The following GK variants were observed in gnomAD, a reference collection of about 807,000 sequenced individuals.
GK encodes ATP:glycerol 3-phosphotransferase.
In GK, 9 loss-of-function variants were observed where a neutral mutation model predicts 56.4. That is an observed-to-expected ratio of 0.16 (90% CI 0.10 to 0.28). GK has a LOEUF of 0.28. Ranked by LOEUF, GK falls within the 10% of genes least tolerant of loss-of-function variation. GK has a pLI of 1.00. For missense variants in GK, 161 were observed against 431.4 expected, an observed-to-expected ratio of 0.37 and a Z score of 5.55; for synonymous variants, 104 against 144.1, an observed-to-expected ratio of 0.72 and a Z score of 1.99.
chrX:30,661,618 C>T, intron 1 of GK, among the ~76,000 whole-genome samples: 2 of 111,264 alleles, frequency 1.8e-5, no homozygotes, highest in South Asian at 7.6e-4. Flanking sequence ...TTAGAAGTTA[C>T]CACTTCTGAG....
At chrX:30,722,083 G>GA (rs1189994654) in intron 18 of GK, among the ~76,000 whole-genome samples, 13 of 108,177 alleles carry the variant, frequency 1.2e-4, no homozygotes, top group East Asian at 2.9e-4. Flanking sequence ...AAAACAAAAG[G>GA]AAAAAAAAAG....
At chrX:30,699,241 AACATGTTATATATACATGT>A (rs1935460315) in intron 9 of GK, among the ~76,000 whole-genome samples, 20 of 99,382 alleles carry the variant, frequency 2.0e-4, no homozygotes, top group Non-Finnish European at 4.0e-5. Flanking sequence ...TGTTATGTAT[AACATGTTATATATACATGT>A]TATGTATAAC....
intron 4 of GK, among the ~76,000 whole-genome samples, chrX:30,690,336 T>C (rs1934865734): frequency 8.9e-6 from 1 of 112,003 alleles, no homozygotes; most frequent in Non-Finnish European, 1.9e-5. Context: ...ATCTGGCAAA[T>C]AAAGCTTAGC....
chrX:30,692,868 T>C (rs1935037777), intron 5 of GK, among the ~76,000 whole-genome samples: 1 of 110,335 alleles, frequency 9.1e-6, no homozygotes, highest in African/African-American at 3.3e-5. Flanking sequence ...ATCCTTTGGT[T>C]TGAGTTTTCT....
chrX:30,699,318 T>TTTTA (rs1555916714), intron 9 of GK, among the ~76,000 whole-genome samples: 39 of 15,136 alleles, frequency 2.6e-3, no homozygotes, highest in South Asian at 0.01. Flanking sequence ...ATATAACATG[T>TTTTA]TATATATATA....
intron 8 of GK, 30 bp downstream of exon 8, chrX:30,696,713 C>A (rs1220006361): frequency 9.6e-7 from 1 of 1,043,032 alleles, no homozygotes; most frequent in Non-Finnish European, 1.3e-6. Flanking sequence ...ACAAAAAACA[C>A]ACCAAAAAAC....
At chrX:30,674,211 GC>G in intron 3 of GK, 2 of 321,069 alleles carry the variant, frequency 6.2e-6, no homozygotes, top group South Asian at 5.4e-5. Flanking sequence ...CTGCTAGGAA[GC>G]ACAGGAATTG....
chrX:30,718,468 A>T (rs1428175614), intron 13 of GK, 70 bp from the exon 14 acceptor site: 1 of 692,710 alleles, frequency 1.4e-6, no homozygotes, highest in African/African-American at 2.1e-5. Context: ...TGTCATACAC[A>T]GAATATGCTC....
intron 13 of GK, among the ~76,000 whole-genome samples, chrX:30,712,756 G>A (rs1293488479): frequency 2.6e-5 from 2 of 77,753 alleles, no homozygotes; most frequent in African/African-American, 1.1e-4. Flanking sequence ...ATGGAGTCTC[G>A]CTCTGTCGCC....
At position 30,720,985 on chromosome X, in the gene GK, T is replaced by C; in HGVS notation, c.1491T>C (p.Ile497=). ...CGATGGAGCGGTTTGAACCTCAGATTAATGCGGAGGGTACATTTAAAGAAT... is the reference window on the plus strand; with the variant it reads ...CGATGGAGCGGTTTGAACCTCAGATCAATGCGGAGGGTACATTTAAAGAAT... ...AVTMERFEPQ[I]NAEESEIRYS... Residue 497 remains isoleucine (I), a synonymous_variant, in exon 18 of 21, where the codon ATT becomes ATC. Transcript: ENST00000427190. The C allele has an allele frequency of 1.7e-6, 2 of 1,209,420 alleles. No individual in the cohort carries two copies. Among genetic ancestry groups the C allele is most frequent in the Non-Finnish European group, 2.2e-6 (2 of 893,490 alleles).
chrX:30,700,080 A>G (rs1601925109), intron 9 of GK: 2 of 174,619 alleles, frequency 1.1e-5, no homozygotes, highest in East Asian at 2.3e-4. Context: ...ACGTAGCCCA[A>G]TCTCCATTTT....
rs1937326089 is a variant in GK at position 30,731,267 on chromosome X, G to A, written c.*2525G>A. ...TGATAGCACAGAAGCTAATGGCATTGACAGTGGAGTAGGTAGTATTTAATC... is the reference window on the plus strand; with the variant it reads ...TGATAGCACAGAAGCTAATGGCATTAACAGTGGAGTAGGTAGTATTTAATC... On this transcript the variant is annotated 3_prime_UTR_variant, in exon 21 of 21. Coordinates refer to ENST00000427190, the MANE Select transcript of GK (RefSeq NM_001205019.2). 8.9e-6 allele frequency: 1 copy of A among 112,178 alleles called. No individual in the cohort carries two copies. The highest frequency in any genetic ancestry group is 9.5e-5 in the Admixed American group (1 of 10,510). The allele number at this position is 112,178 out of a possible 1,213,427, so 9.2% of individuals were successfully genotyped here.
chrX:30,682,346 T>C (rs889160933), intron 4 of GK, among the ~76,000 whole-genome samples: 2 of 111,828 alleles, frequency 1.8e-5, no homozygotes, highest in Admixed American at 1.9e-4. Flanking sequence ...CCTTTCTGTG[T>C]TCTAGGTTTT....
rs747972572 is a variant in GK, at chrX:30,700,924, C to T, written c.851+19C>T. ...AAAATACGTGAGTTTAAGAAACAGA[C>T]TTAAAAACCAATGCTGTTTTGTTTT... On this transcript the variant is annotated intron_variant, in intron 11 of 20. Transcript: ENST00000427190. 1.7e-5 allele frequency: 18 copies of T among 1,070,187 alleles called. No individual in the cohort carries two copies. Among genetic ancestry groups the T allele is most frequent in the Non-Finnish European group, 2.3e-5 (18 of 767,452 alleles). The allele number at this position is 1,070,187 out of a possible 1,213,427, so 88.2% of individuals were successfully genotyped here. A position where few individuals can be genotyped will look rare whatever the true frequency, so the allele number is the denominator to read the frequency against.
intron 1 of GK, among the ~76,000 whole-genome samples, chrX:30,655,099 T>C (rs1932158562): frequency 1.8e-5 from 2 of 112,317 alleles, no homozygotes; most frequent in Admixed American, 1.9e-4. Context: ...TTGAATCTTA[T>C]TTAATGACTT....
At chrX:30,706,107 G>C (rs866294670) in intron 11 of GK, among the ~76,000 whole-genome samples, 1 of 111,951 alleles carries the variant, frequency 8.9e-6, no homozygotes, top group Non-Finnish European at 1.9e-5. Context: ...TGTATTACCT[G>C]TACCTAGTGT....
chrX:30,706,214 A>G (rs1185047068), intron 11 of GK, among the ~76,000 whole-genome samples: 1 of 112,123 alleles, frequency 8.9e-6, no homozygotes, highest in African/African-American at 3.2e-5. Flanking sequence ...TTTGGGTGAG[A>G]AGAGATAGAC....
chrX:30,719,268 G>A (rs1936776269), intron 14 of GK, 151 bp from the exon 15 acceptor site: 1 of 436,147 alleles, frequency 2.3e-6, no homozygotes, highest in Admixed American at 3.6e-5. Context: ...GTTGATCCTA[G>A]CATACTACTG....
intron 11 of GK, among the ~76,000 whole-genome samples, chrX:30,704,149 T>TATATATATATATGA (rs1429695034): frequency 1.0e-5 from 1 of 96,728 alleles, no homozygotes; most frequent in African/African-American, 4.3e-5. Flanking sequence ...TATATATATA[T>TATATATATATATGA]GAGATAGGGT....
Sources: allele counts gnomAD v4.1 joint callset (sites outside exome capture counted in the v4.1 genomes callset), GRCh38; gene constraint gnomAD v4.1.1; transcripts MANE v1.5; gene names NCBI Gene and HGNC (gene_info 2026-07-23, HGNC 2026-07-21).